Variants in TENM1 observed in about 807,000 individuals in gnomAD.
TENM1 encodes the protein teneurin transmembrane protein 1, also known as teneurin-1.
In TENM1, 35 loss-of-function variants were observed where a neutral mutation model predicts 174.8. That is an observed-to-expected ratio of 0.20 (90% confidence interval 0.15 to 0.27). The LOEUF is 0.27. TENM1 is among the 10% of genes least tolerant of loss of function. The pLI, the probability that TENM1 is intolerant of heterozygous loss-of-function variation, is 1.00. For synonymous variants in TENM1, 781 were observed against 798.7 expected (o/e 0.98, Z 0.37); for missense variants, 1,633 against 2,130.1 (o/e 0.77, Z 4.59).
chrX:124,422,734 C>T, intron 23 of TENM1, 96 bp from the exon 27 acceptor site: 1 of 900,496 alleles, frequency 1.1e-6, no homozygotes, highest in Non-Finnish European at 1.5e-6. Flanking sequence ...TGTATTGTTT[C>T]CCCCGTCTTA....
the TENM1 span, among the ~76,000 whole-genome samples, chrX:124,995,345 T>A: frequency 9.0e-6 from 1 of 111,385 alleles, no homozygotes; most frequent in East Asian, 2.8e-4. Flanking sequence ...AGGAATCTTG[T>A]CTATTGTATT....
the TENM1 span, among the ~76,000 whole-genome samples, chrX:124,987,402 T>G: frequency 9.0e-6 from 1 of 111,725 alleles, no homozygotes. Flanking sequence ...AGGAAAAATC[T>G]ATTGGGTCAA....
In TENM1 at chrX:124,729,314, C is replaced by A. The variant is rs577868393; in HGVS notation, c.776+7643G>T. On this transcript the variant is annotated intron_variant, in intron 4 of 31. Coordinates refer to ENST00000422452, the Ensembl canonical transcript of TENM1. ...ATATTTATTGCACACTTTCTATGTG[C>A]CTGGCTCTGAGTAGACATTTTCATA... Among the ~76,000 whole-genome samples, 4 of 112,233 alleles carry A rather than the reference C, an allele frequency of 3.6e-5. No homozygotes were observed. In the South Asian group the frequency reaches 1.5e-3, roughly 42 times the overall value.
intron 3 of TENM1, among the ~76,000 whole-genome samples, chrX:124,811,534 G>A (rs2055774047): frequency 9.0e-6 from 1 of 111,443 alleles, no homozygotes; most frequent in Admixed American, 9.5e-5. Context: ...GCAAGGACGT[G>A]GAGAAAAGAA....
At chrX:124,626,973 C>T (rs901521879) in intron 11 of TENM1, among the ~76,000 whole-genome samples, 2 of 112,345 alleles carry the variant, frequency 1.8e-5, no homozygotes, top group African/African-American at 6.5e-5. Context: ...TTAGATTCTC[C>T]TCTCTAACTA....
At chrX:124,933,317 T>C (rs981407079) in intron 1 of TENM1, among the ~76,000 whole-genome samples, 1 of 111,996 alleles carries the variant, frequency 8.9e-6, no homozygotes, top group African/African-American at 3.2e-5. Context: ...CAAAATACAA[T>C]TGGGAAAGCC....
chrX:124,627,543 C>A (rs182336658), intron 11 of TENM1, among the ~76,000 whole-genome samples: 1 of 111,928 alleles, frequency 8.9e-6, no homozygotes, highest in East Asian at 2.8e-4. Context: ...GAGGTCATGG[C>A]AGCTCAGATG....
chrX:125,005,697 CGACTT>C, the TENM1 span, among the ~76,000 whole-genome samples: 1 of 109,984 alleles, frequency 9.1e-6, no homozygotes, highest in Non-Finnish European at 1.9e-5. Flanking sequence ...TATCTCATTG[CGACTT>C]GTTAGACAGT....
intron 20 of TENM1, among the ~76,000 whole-genome samples, chrX:124,487,604 G>GA (rs2046979338): frequency 1.8e-5 from 2 of 111,746 alleles, no homozygotes; most frequent in South Asian, 7.5e-4. Flanking sequence ...GTGGGGCCTG[G>GA]AAATTTTACT....
chrX:125,124,157 A>G, the TENM1 span, among the ~76,000 whole-genome samples: 1 of 112,631 alleles, frequency 8.9e-6, no homozygotes. Flanking sequence ...AAAATATTAC[A>G]TGACTAATTT....
chrX:124,406,825 C>T (rs2060468308), intron 25 of TENM1, among the ~76,000 whole-genome samples: 1 of 110,925 alleles, frequency 9.0e-6, no homozygotes. Context: ...TGGGTCGATC[C>T]CATTAGAGGT....
Position 124,392,368 on chromosome X carries a change from A to C in TENM1, c.5392-20T>G. The C allele has an allele frequency of 8.8e-7, 1 of 1,130,714 alleles. No individual in the cohort carries two copies. Among genetic ancestry groups the C allele is most frequent in the South Asian group, 1.9e-5 (1 of 52,222 alleles). 93.2% of individuals were successfully genotyped at this position (1,130,714 alleles called of 1,213,427 possible). The stretch of plus-strand genomic sequence containing the variant: ...GTGGGCCTATGAGAAAGAGATATGA[A>C]ATACATTTTAAGCACAGCCTTGTTC... On this transcript the variant is annotated intron_variant, in intron 27 of 31. Coordinates refer to ENST00000422452, the Ensembl canonical transcript of TENM1.
chrX:125,074,126 C>G, the TENM1 span, among the ~76,000 whole-genome samples: 1 of 111,803 alleles, frequency 8.9e-6, no homozygotes, highest in East Asian at 2.8e-4. Flanking sequence ...TGTTGGAAAG[C>G]TGGAGGGCAT....
chrX:125,006,219 G>A, the TENM1 span, among the ~76,000 whole-genome samples: 8 of 111,945 alleles, frequency 7.1e-5, no homozygotes, highest in Non-Finnish European at 1.5e-4. Flanking sequence ...TTAGTAGGTG[G>A]TTTTCCCCTG....
intron 18 of TENM1, among the ~76,000 whole-genome samples, chrX:124,512,472 C>T (rs1172357971): frequency 3.6e-5 from 4 of 111,094 alleles, no homozygotes; most frequent in African/African-American, 9.8e-5. Context: ...ATCTTTAAGC[C>T]GGATGAACTA....
chrX:124,471,885 C>T (rs371497091), intron 22 of TENM1, among the ~76,000 whole-genome samples: 220 of 104,645 alleles, frequency 2.1e-3, no homozygotes, highest in African/African-American at 7.0e-3. Context: ...TGAATGCTAT[C>T]TTGTGAATAT....
intron 1 of TENM1, among the ~76,000 whole-genome samples, chrX:124,951,639 AATATATATATAT>A (rs1156297240): frequency 3.2e-5 from 2 of 63,018 alleles, no homozygotes; most frequent in African/African-American, 1.3e-4. Context: ...GAAAAGTTAA[AATATATATATAT>A]ATATATATAT....
intron 1 of TENM1, among the ~76,000 whole-genome samples, chrX:124,914,149 A>T (rs1407472526): frequency 2.7e-5 from 3 of 112,104 alleles, no homozygotes; most frequent in Non-Finnish European, 5.6e-5. Context: ...CTATGCATTC[A>T]CTTCGTTACA....
At chrX:124,460,448 G>C (rs1181678871) in intron 22 of TENM1, among the ~76,000 whole-genome samples, 1 of 110,888 alleles carries the variant, frequency 9.0e-6, no homozygotes, top group African/African-American at 3.3e-5. Context: ...TAAAGCTGGA[G>C]GTCATTATCC....
Sources: gnomAD v4.1 joint callset for allele counts (sites outside exome capture counted in the v4.1 genomes callset) on GRCh38, gnomAD v4.1.1 for gene constraint, MANE v1.5 for transcripts, NCBI Gene and HGNC (gene_info 2026-07-23, HGNC 2026-07-21) for gene names.